DCDC1: variants seen among roughly 807,000 people sequenced by gnomAD.
DCDC1 encodes doublecortin domain-containing protein 1.
A neutral mutation model predicts 178.3 loss-of-function variants in DCDC1; 200 were observed. The observed-to-expected ratio is 1.12, with a 90% CI of 1.00 to 1.26. The LOEUF is 1.26. DCDC1 is among the 50% of genes most tolerant of loss of function. The probability of loss-of-function intolerance (pLI) is 0.00; values close to 1 mark genes in which losing one functional copy is unlikely to be tolerated. For missense variants in DCDC1, 1,983 were observed against 1,749.2 expected, an observed-to-expected ratio of 1.13 and a Z score of -2.38; for synonymous variants, 690 against 604.8, an observed-to-expected ratio of 1.14 and a Z score of -2.07.
At chr11:30,903,045 T>C (rs891178590) in intron 32 of DCDC1, among the ~76,000 whole-genome samples, 1 of 152,024 alleles carries the variant, frequency 6.6e-6, no homozygotes, top group African/African-American at 2.4e-5. Flanking sequence ...AGTAAAAGCA[T>C]AGAGAGGACA....
At chr11:31,194,300 T>C (rs1202523433) in intron 9 of DCDC1, among the ~76,000 whole-genome samples, 1 of 152,090 alleles carries the variant, frequency 6.6e-6, no homozygotes, top group African/African-American at 2.4e-5. Context: ...AATTTGCCTG[T>C]AAGTTCTCCA....
At chr11:31,305,520 C>T in intron 6 of DCDC1, 95 bp downstream of exon 6, 3 of 1,467,306 alleles carry the variant, frequency 2.0e-6, no homozygotes, top group South Asian at 1.4e-5. Flanking sequence ...TTTGTTAAAC[C>T]ATGCAAAAAA....
At chr11:30,967,761 A>G (rs1286489030) in intron 20 of DCDC1, among the ~76,000 whole-genome samples, 2 of 152,298 alleles carry the variant, frequency 1.3e-5, no homozygotes, top group Admixed American at 6.5e-5. Context: ...ACAGCTCTTA[A>G]AGTCTATAGA....
chr11:31,212,330 GT>G (rs1457307329), intron 9 of DCDC1, among the ~76,000 whole-genome samples: 2 of 151,712 alleles, frequency 1.3e-5, no homozygotes, highest in African/African-American at 4.8e-5. Flanking sequence ...ATTTTTTTAA[GT>G]TTTAAGAGGT....
intron 38 of DCDC1, among the ~76,000 whole-genome samples, chr11:30,871,459 GTCTC>G (rs1941547002): frequency 6.6e-6 from 1 of 152,112 alleles, no homozygotes; most frequent in Admixed American, 6.6e-5. Flanking sequence ...AACTGAGTGA[GTCTC>G]TGTAACTTGT....
At chr11:31,065,901 AC>A (rs1380998168) in intron 18 of DCDC1, among the ~76,000 whole-genome samples, 2 of 152,122 alleles carry the variant, frequency 1.3e-5, no homozygotes, top group Admixed American at 6.6e-5. Context: ...CCCTCACGGA[AC>A]AAGTGTGTGT....
intron 1 of DCDC1, among the ~76,000 whole-genome samples, chr11:31,368,664 G>A (rs547362853): frequency 6.6e-6 from 1 of 152,144 alleles, no homozygotes; most frequent in East Asian, 1.9e-4. Flanking sequence ...GATCATATTA[G>A]ATTATTTTAT....
intron 20 of DCDC1, among the ~76,000 whole-genome samples, chr11:31,026,550 T>C (rs288462): frequency 0.49 from 74,143 of 151,634 alleles, 18,396 homozygotes; most frequent in Middle Eastern, 0.57. Context: ...TCAGTGACTG[T>C]ACAAATTCTT....
rs531424248 is a variant in DCDC1 at position 31,217,896 on chromosome 11, A to G, written c.1221+23554T>C. Among the ~76,000 whole-genome samples, 5 of 152,164 alleles carry G rather than the reference A, an allele frequency of 3.3e-5. No homozygotes were observed. In the South Asian group the frequency reaches 1.0e-3, roughly 32 times the overall value. ...AAAAATAGATTTTTTCATAATGTGT[A>G]CTCTATATCTCTGCCCATGTCTCCC... On this transcript the variant is annotated intron_variant, in intron 9 of 38. Coordinates refer to ENST00000684477, the MANE Select transcript of DCDC1 (RefSeq NM_001387274.1).
At chr11:31,069,884 A>G (rs621886) in intron 18 of DCDC1, among the ~76,000 whole-genome samples, 74,252 of 152,042 alleles carry the variant, frequency 0.49, 18,409 homozygotes, top group Middle Eastern at 0.57. Context: ...AGGTAGGGCC[A>G]TGATGTGGCT....
At chr11:31,204,328 C>T (rs1434871848) in intron 9 of DCDC1, among the ~76,000 whole-genome samples, 1 of 151,792 alleles carries the variant, frequency 6.6e-6, no homozygotes, top group African/African-American at 2.4e-5. Flanking sequence ...AAGTACAACA[C>T]CCCAAATATA....
intron 20 of DCDC1, among the ~76,000 whole-genome samples, chr11:31,030,579 C>T (rs370256033): frequency 6.6e-6 from 1 of 152,136 alleles, no homozygotes; most frequent in Non-Finnish European, 1.5e-5. Context: ...ATGGTACACG[C>T]GCTTCACTTC....
At chr11:30,869,749 G>A (rs1173816542) in intron 38 of DCDC1, among the ~76,000 whole-genome samples, 1 of 152,180 alleles carries the variant, frequency 6.6e-6, no homozygotes, top group Non-Finnish European at 1.5e-5. Flanking sequence ...TGGGTGGAGT[G>A]CAGAACTCTG....
intron 20 of DCDC1, among the ~76,000 whole-genome samples, chr11:30,997,999 A>C (rs1951361566): frequency 6.6e-6 from 1 of 152,168 alleles, no homozygotes; most frequent in Non-Finnish European, 1.5e-5. Flanking sequence ...GAGTTTAAAA[A>C]GAAAGGGGGT....
At chr11:31,240,469 C>A (rs1976982146) in intron 9 of DCDC1, among the ~76,000 whole-genome samples, 1 of 151,974 alleles carries the variant, frequency 6.6e-6, no homozygotes, top group South Asian at 2.1e-4. Flanking sequence ...ATTCCAAAGT[C>A]AATACAAGTT....
chr11:31,075,768 T>C (rs1168769572), intron 18 of DCDC1, among the ~76,000 whole-genome samples: 1 of 152,258 alleles, frequency 6.6e-6, no homozygotes, highest in African/African-American at 2.4e-5. Context: ...GCTGAGTTCC[T>C]TGTAAATTCT....
chr11:30,952,302 T>C (rs1948473015), intron 21 of DCDC1, 143 bp downstream of exon 21: 1 of 633,390 alleles, frequency 1.6e-6, no homozygotes, highest in Admixed American at 3.7e-5. Context: ...AATTAATTGA[T>C]AGAACAACAG....
At chr11:31,248,925 C>T (rs972449559) in intron 8 of DCDC1, among the ~76,000 whole-genome samples, 8 of 152,024 alleles carry the variant, frequency 5.3e-5, no homozygotes, top group Non-Finnish European at 1.2e-4. Flanking sequence ...TGTTTTATAA[C>T]AGGTAGTAGC....
chr11:30,993,172 A>ACTT (rs1951080977), intron 20 of DCDC1, among the ~76,000 whole-genome samples: 1 of 152,136 alleles, frequency 6.6e-6, no homozygotes, highest in Non-Finnish European at 1.5e-5. Flanking sequence ...TGTGTAATTT[A>ACTT]CTTCTAAATA....
Sources: allele counts gnomAD v4.1 joint callset (sites outside exome capture counted in the v4.1 genomes callset), GRCh38; gene constraint gnomAD v4.1.1; transcripts MANE v1.5; gene names NCBI Gene and HGNC (gene_info 2026-07-23, HGNC 2026-07-21).